Variants in FBF1 observed in about 807,000 individuals in gnomAD.
FBF1 encodes Fas binding factor 1.
Under a neutral mutation model 147.2 loss-of-function variants are expected in FBF1, and 119 were observed. The observed-to-expected ratio is 0.81, with a 90% CI of 0.70 to 0.94. The LOEUF (loss-of-function observed/expected upper bound fraction) is 0.94, where lower values mean the gene tolerates loss of function less well. Ranked by LOEUF, FBF1 falls within the 40% of genes least tolerant of loss-of-function variation. The pLI is 0.00. For missense variants in FBF1, 1,449 were observed against 1,500.8 expected (o/e 0.97, Z 0.57); for synonymous variants, 601 against 609.0 (o/e 0.99, Z 0.19).
chr17:75,929,945 A>AGGGCCCCCCCCCC, intron 7 of FBF1, 52 bp downstream of exon 7: 2 of 650,838 alleles, frequency 3.1e-6, no homozygotes, highest in African/African-American at 2.0e-5. Context: ...AAATATCATG[A>AGGGCCCCCCCCCC]CCCCACCCCA....
At chr17:75,937,541 A>G (rs747467551) in intron 3 of FBF1, 25 bp downstream of exon 3, 4 of 1,613,382 alleles carry the variant, frequency 2.5e-6, no homozygotes, top group Non-Finnish European at 3.4e-6. Flanking sequence ...TTGGCTTAAG[A>G]GTAATGTTCC....
In FBF1 at chr17:75,928,407, G is replaced by A. The variant is rs2065574908; in HGVS notation, c.280-214C>T. Among the ~76,000 whole-genome samples the A allele has an allele frequency of 6.6e-6, 1 of 152,156 alleles. No homozygotes were observed. The highest frequency in any genetic ancestry group is 6.6e-5 in the Admixed American group (1 of 15,262). On this transcript the variant is annotated intron_variant, in intron 7 of 29. Coordinates refer to ENST00000636174, the MANE Select transcript of FBF1 (RefSeq NM_001319193.2). The surrounding 1 kb of genome is among the most constrained non-coding windows in gnomAD (Gnocchi z 4.2). ...AATGGAGTCCAGCTCATGGTTCTGGGATGAGAGACTCAAAGTCAGCACCAA... is the reference window on the plus strand; with the variant it reads ...AATGGAGTCCAGCTCATGGTTCTGGAATGAGAGACTCAAAGTCAGCACCAA...
In FBF1 at chr17:75,918,018, C is replaced by T. The variant is rs988830111; in HGVS notation, c.2299G>A (p.Glu767Lys). The T allele has an allele frequency of 3.4e-5, 55 of 1,612,304 alleles. No individual in the cohort carries two copies. The highest frequency in any genetic ancestry group is 4.2e-5 in the Non-Finnish European group (50 of 1,179,052). The change falls in exon 22 of 30, where the codon GAG becomes AAG. Residue 767 changes from glutamate (E) to lysine (K), a missense_variant. Glu to Lys is a moderately conservative substitution (Grantham distance 56, BLOSUM62 1). Coordinates refer to ENST00000636174, the MANE Select transcript of FBF1 (RefSeq NM_001319193.2). The surrounding 1 kb of genome is among the most constrained non-coding windows in gnomAD (Gnocchi z 5.8). ...GAGGCCTCCACGCGGGAGGACAACT[C>T]GTGCAGGCTGCTGGAGAACTTCTCC... ...QMEKFSSSLH[E>K]LSSRVEASHL...
intron 23 of FBF1, among the ~76,000 whole-genome samples, chr17:75,916,900 G>A (rs1411119607): frequency 6.6e-6 from 1 of 152,172 alleles, no homozygotes; most frequent in East Asian, 1.9e-4. Context: ...AACCAGACTG[G>A]TGTGCCATGT....
intron 23 of FBF1, among the ~76,000 whole-genome samples, chr17:75,916,769 G>A (rs1405690822): frequency 6.6e-6 from 1 of 152,236 alleles, no homozygotes; most frequent in African/African-American, 2.4e-5. Flanking sequence ...ATTTCCACAG[G>A]TAAGGAAAAG....
chr17:75,922,488 T>C lies in FBF1; in HGVS notation c.1425-442A>G, dbSNP rs1455332943. Among the ~76,000 whole-genome samples, 1 of 152,166 alleles carries C rather than the reference T, an allele frequency of 6.6e-6. No individual in the cohort carries two copies. Among genetic ancestry groups the C allele is most frequent in the African/African-American group, 2.4e-5 (1 of 41,436 alleles). On this transcript the variant is annotated intron_variant, in intron 14 of 29. Coordinates refer to ENST00000636174, the MANE Select transcript of FBF1 (RefSeq NM_001319193.2). This position sits in a 1 kb window ranked among gnomAD's most constrained non-coding sequence, Gnocchi z 5.0. ...AGACAGGCTCTTTTCTGTTTTGGCC[T>C]GAGCTTTCCCCTCGGCCTCAGGTCA... is the stretch of plus-strand genomic sequence containing the variant.
In FBF1 at chr17:75,918,781, C is replaced by T. The variant is rs2065505186; in HGVS notation, c.2139-512G>A. On this transcript the variant is annotated intron_variant, in intron 20 of 29. Transcript: ENST00000636174. This position sits in a 1 kb window ranked among gnomAD's most constrained non-coding sequence, Gnocchi z 5.8. Reference sequence around the variant, plus strand: ...CACTGGGATTACAGGTGTGAGCCACCACGCCCGGCCCCAAGCAGTCTTTCT... The same window carrying T: ...CACTGGGATTACAGGTGTGAGCCACTACGCCCGGCCCCAAGCAGTCTTTCT... 6.7e-6 allele frequency among the ~76,000 whole-genome samples: 1 copy of T among 148,678 alleles called. No homozygotes were observed. The highest frequency in any genetic ancestry group is 6.7e-5 in the Admixed American group (1 of 14,946).
rs544733360 is a variant in FBF1, at chr17:75,910,887, G to A, written c.3364-81C>T. 6.5e-5 allele frequency: 79 copies of A among 1,215,526 alleles called. 1 individual carries two copies. The highest frequency in any genetic ancestry group is 5.7e-4 in the South Asian group (43 of 76,068). 75.3% of individuals were successfully genotyped at this position (1,215,526 alleles called of 1,614,324 possible). The stretch of plus-strand genomic sequence containing the variant: ...GCCCTGGATGCTAGCTGAGCCAGCC[G>A]TCACTGAGGCCCCTCCCCACATCGT... On this transcript the variant is annotated intron_variant, in intron 29 of 29. Coordinates refer to ENST00000636174, the MANE Select transcript of FBF1 (RefSeq NM_001319193.2). This position sits in a 1 kb window ranked among gnomAD's most constrained non-coding sequence, Gnocchi z 4.1.
At chr17:75,939,438 G>A (rs891045181) in intron 1 of FBF1, among the ~76,000 whole-genome samples, 6 of 152,146 alleles carry the variant, frequency 3.9e-5, no homozygotes, top group African/African-American at 1.4e-4. Flanking sequence ...ATTTCAGAAA[G>A]GAGGTGGGTG....
chr17:75,929,977 C>T lies in FBF1; in HGVS notation c.279+20G>A, dbSNP rs1297517519. The T allele has an allele frequency of 1.9e-5, 10 of 518,344 alleles. No individual in the cohort carries two copies. Among genetic ancestry groups the T allele is most frequent in the Middle Eastern group, 5.7e-4 (1 of 1,740 alleles). The allele number at this position is 518,344 out of a possible 1,614,324, so 32.1% of individuals were successfully genotyped here. A position where few individuals can be genotyped will look rare whatever the true frequency, so the allele number is the denominator to read the frequency against. ...CCCACCCACCCCCAGTTCTAAGAAT[C>T]GTGCAAGCTGTTTCCTTACCTTCAT... On this transcript the variant is annotated intron_variant, in intron 7 of 29. Coordinates refer to ENST00000636174, the MANE Select transcript of FBF1 (RefSeq NM_001319193.2).
intron 23 of FBF1, among the ~76,000 whole-genome samples, chr17:75,916,414 G>C (rs1003101237): frequency 3.9e-5 from 6 of 152,126 alleles, no homozygotes; most frequent in African/African-American, 1.4e-4. Flanking sequence ...GAGCCCAGGA[G>C]TTCAAGACCA....
At position 75,913,747 on chromosome 17, in the gene FBF1, C is replaced by T. The variant is rs760748498; in HGVS notation, c.3202G>A (p.Gly1068Ser). Residue 1068 changes from glycine (G) to serine (S), a missense_variant, in exon 28 of 30, where the codon GGT becomes AGT. Gly to Ser is a moderately conservative substitution (Grantham distance 56, BLOSUM62 0). Transcript: ENST00000636174. Reference protein sequence around the residue: ...ARQDLPSSLVGLFPRAQGPAA... With the variant: ...ARQDLPSSLVSLFPRAQGPAA... The stretch of plus-strand genomic sequence containing the variant: ...GGGCCCTGGGCCCTGGGGAACAGAC[C>T]CACGAGGCTAGAGGGCAGGTCCTGT... 6.2e-7 allele frequency: 1 copy of T among 1,602,620 alleles called. No homozygotes were observed. Among genetic ancestry groups the T allele is most frequent in the African/African-American group, 1.3e-5 (1 of 74,904 alleles).
At position 75,922,131 on chromosome 17, in the gene FBF1, C is replaced by G. The variant is rs753564237; in HGVS notation, c.1425-85G>C. On this transcript the variant is annotated intron_variant, in intron 14 of 29. Coordinates refer to ENST00000636174, the MANE Select transcript of FBF1 (RefSeq NM_001319193.2). The surrounding 1 kb of genome is among the most constrained non-coding windows in gnomAD (Gnocchi z 5.0). ...GACAGGGCCCAGGACGGGCTTCACA[C>G]GTGAAGCTCGTGGCCCCCCTTCCTC... is the stretch of plus-strand genomic sequence containing the variant. 9.0e-7 allele frequency: 1 copy of G among 1,111,686 alleles called. No individual in the cohort carries two copies. The highest frequency in any genetic ancestry group is 1.4e-5 in the South Asian group (1 of 70,704). The allele number at this position is 1,111,686 out of a possible 1,614,324, so 68.9% of individuals were successfully genotyped here. A position where few individuals can be genotyped will look rare whatever the true frequency, so the allele number is the denominator to read the frequency against.
chr17:75,935,597 C>A, intron 4 of FBF1, 35 bp downstream of exon 4: 1 of 1,531,260 alleles, frequency 6.5e-7, no homozygotes, highest in African/African-American at 1.4e-5. Context: ...ACAGCAGCAG[C>A]CCAAATTAGG....
chr17:75,914,783 G>T lies in FBF1; in HGVS notation c.2778C>A (p.Asp926Glu). Residue 926 changes from aspartate (D) to glutamate (E), a missense_variant, in exon 25 of 30, where the codon GAC becomes GAA. Transcript: ENST00000636174. ...TGATGAGGGTGCCCTCCCGCTGGGT[G>T]TCCACCTGCAATGCCCGCTCGGCCT... ...EREAERALQV[D>E]TQREGTLISL... 2.5e-6 allele frequency: 4 copies of T among 1,594,840 alleles called. No homozygotes were observed. Among genetic ancestry groups the T allele is most frequent in the Non-Finnish European group, 3.4e-6 (4 of 1,171,802 alleles).
At chr17:75,924,977 G>A (rs1278924214) in intron 13 of FBF1, among the ~76,000 whole-genome samples, 1 of 152,186 alleles carries the variant, frequency 6.6e-6, no homozygotes, top group Non-Finnish European at 1.5e-5. Flanking sequence ...GCAGATGCCA[G>A]TGGTCTTGCT....
chr17:75,927,418 C>CA (rs761156198), intron 9 of FBF1, 37 bp downstream of exon 9: 2 of 1,547,438 alleles, frequency 1.3e-6, no homozygotes, highest in Non-Finnish European at 1.8e-6. Context: ...ACTCCCAAAC[C>CA]AGAGTGTCCC....
chr17:75,927,774 A>G (rs2065571096), intron 8 of FBF1, among the ~76,000 whole-genome samples: 1 of 152,190 alleles, frequency 6.6e-6, no homozygotes, highest in Admixed American at 6.5e-5. Flanking sequence ...TGGGTTCAGG[A>G]GAGGCACAGG....
chr17:75,935,740 CTTGAGACTCGCCAGAA>C (rs1156743431), intron 3 of FBF1, 67 bp from the exon 4 acceptor site: 4 of 1,464,410 alleles, frequency 2.7e-6, no homozygotes, highest in Non-Finnish European at 3.7e-6. Context: ...AACATCAAGG[CTTGAGACTCGCCAGAA>C]GGCGTCAGAC....
Sources: gnomAD v4.1 joint callset for allele counts (sites outside exome capture counted in the v4.1 genomes callset) on GRCh38, gnomAD v4.1.1 for gene constraint, Gnocchi (gnomAD v3.1) non-coding constraint, MANE v1.5 for transcripts, NCBI Gene and HGNC (gene_info 2026-07-23, HGNC 2026-07-21) for gene names.